Variants in SLC24A4 observed in about 807,000 individuals in gnomAD.
The protein encoded by SLC24A4 is sodium/potassium/calcium exchanger 4.
In SLC24A4, 53 loss-of-function variants were observed where a neutral mutation model predicts 79.0. The ratio of observed to expected loss-of-function variants is 0.67; its 90% CI spans 0.54 to 0.84. The LOEUF (loss-of-function observed/expected upper bound fraction) is 0.84. SLC24A4 is among the 40% of genes least tolerant of loss of function. The probability of loss-of-function intolerance (pLI) is 0.00; values close to 1 mark genes in which losing one functional copy is unlikely to be tolerated. For missense variants in SLC24A4, 731 were observed against 822.0 expected, an observed-to-expected ratio of 0.89 and a Z score of 1.35; for synonymous variants, 323 against 323.8, an observed-to-expected ratio of 1.00 and a Z score of 0.03.
intron 2 of SLC24A4, among the ~76,000 whole-genome samples, chr14:92,346,119 TTGTC>T (rs374960642): frequency 6.6e-6 from 1 of 152,142 alleles, no homozygotes; most frequent in Non-Finnish European, 1.5e-5. Context: ...GGGCACGTGT[TTGTC>T]TGTCCTGTGA....
At chr14:92,447,567 G>A in intron 9 of SLC24A4, 143 bp downstream of exon 9, 1 of 779,704 alleles carries the variant, frequency 1.3e-6, no homozygotes, top group Non-Finnish European at 2.1e-6. Context: ...CACCCTGCTG[G>A]GGGACAGCTG....
At chr14:92,338,094 A>T (rs1297906664) in intron 2 of SLC24A4, among the ~76,000 whole-genome samples, 7 of 152,160 alleles carry the variant, frequency 4.6e-5, no homozygotes, top group Admixed American at 2.6e-4. Context: ...GATGACCCAG[A>T]TCACATGGGG....
chr14:92,430,846 G>C (rs549046241), intron 2 of SLC24A4, among the ~76,000 whole-genome samples: 1 of 152,210 alleles, frequency 6.6e-6, no homozygotes, highest in Admixed American at 6.5e-5. Flanking sequence ...CAGCTTAAAG[G>C]CTTAAGGATG....
intron 12 of SLC24A4, 43 bp downstream of exon 12, chr14:92,456,651 G>A (rs1180564836): frequency 6.3e-7 from 1 of 1,588,012 alleles, no homozygotes; most frequent in Non-Finnish European, 8.6e-7. Flanking sequence ...CATTTTTGGG[G>A]GCTCCATTAG....
chr14:92,382,801 G>GT (rs535082784), intron 2 of SLC24A4, among the ~76,000 whole-genome samples: 141 of 152,230 alleles, frequency 9.3e-4, no homozygotes, highest in Non-Finnish European at 1.7e-3. Flanking sequence ...GACCAGGACT[G>GT]TTTTTTGCTG....
intron 2 of SLC24A4, among the ~76,000 whole-genome samples, chr14:92,366,257 C>T (rs957252545): frequency 5.3e-5 from 8 of 152,160 alleles, no homozygotes; most frequent in African/African-American, 1.7e-4. Context: ...GGTGAGGCAG[C>T]GTTTTCAGGG....
At chr14:92,358,725 C>T (rs980113659) in intron 2 of SLC24A4, among the ~76,000 whole-genome samples, 5 of 139,938 alleles carry the variant, frequency 3.6e-5, no homozygotes, top group Non-Finnish European at 6.0e-5. Context: ...GAGATGGAGT[C>T]TCGCTCTGTC....
rs757327214 is a variant in SLC24A4, at chr14:92,492,196, C to G, written c.1672C>G (p.Leu558Val). ...CCAGGTGAAGATCAACAGCCGGGGGCTGGTCTATTCCGTGGTCCTGTTGCT... is the reference window on the plus strand; with the variant it reads ...CCAGGTGAAGATCAACAGCCGGGGGGTGGTCTATTCCGTGGTCCTGTTGCT... ...GSTVKINSRG[L>V]VYSVVLLLGS... Residue 558 changes from leucine (L) to valine (V), a missense_variant, in exon 16 of 17, where the codon CTG becomes GTG. Coordinates refer to ENST00000532405, the MANE Select transcript of SLC24A4 (RefSeq NM_153646.4). The G allele has an allele frequency of 2.5e-6, 4 of 1,614,150 alleles. No homozygotes were observed. The South Asian group carries it at 4.4e-5, about 18-fold the overall frequency.
intron 2 of SLC24A4, among the ~76,000 whole-genome samples, chr14:92,378,612 T>C (rs1263068536): frequency 1.3e-5 from 2 of 152,264 alleles, no homozygotes; most frequent in East Asian, 3.8e-4. Flanking sequence ...CTAAGTCCTT[T>C]GTCAGATATG....
intron 10 of SLC24A4, among the ~76,000 whole-genome samples, chr14:92,449,931 C>T (rs1893040643): frequency 6.6e-6 from 1 of 152,240 alleles, no homozygotes; most frequent in South Asian, 2.1e-4. Flanking sequence ...CGATGGCTTC[C>T]TTGGAAACCT....
At chr14:92,354,312 G>A (rs180686701) in intron 2 of SLC24A4, among the ~76,000 whole-genome samples, 172 of 152,132 alleles carry the variant, frequency 1.1e-3, no homozygotes, top group Admixed American at 3.9e-3. Context: ...CACCATGCCC[G>A]GCTATTTTTT....
intron 15 of SLC24A4, 63 bp from the exon 16 acceptor site, chr14:92,492,112 A>G: frequency 1.3e-6 from 2 of 1,502,808 alleles, no homozygotes; most frequent in Non-Finnish European, 1.8e-6. Context: ...GCATGCTGGG[A>G]TTTCTGGATG....
Position 92,358,978 on chromosome 14 carries a change from G to T in SLC24A4, c.241+33000G>T, listed in dbSNP as rs544496135. On this transcript the variant is annotated intron_variant, in intron 2 of 16. Coordinates refer to ENST00000532405, the MANE Select transcript of SLC24A4 (RefSeq NM_153646.4). ...TGGGATTACAGGTGTGAGCCACCAC[G>T]CCCGGCCAAATCTACTCTTTTCTAT... Among the ~76,000 whole-genome samples the T allele has an allele frequency of 1.3e-5, 2 of 151,914 alleles. 1 individual carries two copies. Among genetic ancestry groups the T allele is most frequent in the South Asian group, 4.2e-4 (2 of 4,814 alleles).
chr14:92,428,189 T>C (rs1891672203), intron 2 of SLC24A4, among the ~76,000 whole-genome samples: 1 of 152,194 alleles, frequency 6.6e-6, no homozygotes. Flanking sequence ...GAAGGGGACA[T>C]GATTGCCAGG....
chr14:92,332,758 T>G (rs530728852), intron 2 of SLC24A4, among the ~76,000 whole-genome samples: 1 of 152,336 alleles, frequency 6.6e-6, no homozygotes, highest in Non-Finnish European at 1.5e-5. Flanking sequence ...AGCTTCTCTC[T>G]TTATTATCAC....
At position 92,323,917 on chromosome 14, in the gene SLC24A4, G is replaced by A; in HGVS notation, c.87G>A (p.Val29=). 1.9e-6 allele frequency: 3 copies of A among 1,610,858 alleles called. No homozygotes were observed. Among genetic ancestry groups the A allele is most frequent in the Non-Finnish European group, 2.5e-6 (3 of 1,179,796 alleles). Residue 29 remains valine, a synonymous_variant, in exon 1 of 17, where the codon GTG becomes GTA. Transcript: ENST00000532405. This position sits in a 1 kb window ranked among gnomAD's most constrained non-coding sequence, Gnocchi z 4.9. ...AGCAAGTCGGCTTCGTGTGCGCGGT[G>A]CTGGCCCTGGTGTGCTGTGCGTCCG... ...LPQQVGFVCA[V]LALVCCASGL...
rs542850210 is a variant in SLC24A4, at chr14:92,456,502, C to A, written c.1149C>A (p.Asn383Lys). 6.2e-7 allele frequency: 1 copy of A among 1,614,180 alleles called. No homozygotes were observed. The highest frequency in any genetic ancestry group is 1.3e-5 in the African/African-American group (1 of 75,048). Residue 383 changes from asparagine (N) to lysine (K), a missense_variant, in exon 12 of 17, where the codon AAC becomes AAA. Physicochemically the swap from Asn to Lys is moderately conservative, Grantham distance 94 (BLOSUM62 0). Transcript: ENST00000532405. ...AGAACGGGAATGTTCCTGTGGAAAA[C>A]CCCGAAGACCCTCAGCAGAATCAGG... The part of the protein sequence containing the change: ...NIENGNVPVE[N>K]PEDPQQNQEQ...
At chr14:92,488,877 C>T (rs535831050) in intron 14 of SLC24A4, among the ~76,000 whole-genome samples, 4 of 152,092 alleles carry the variant, frequency 2.6e-5, no homozygotes, top group Non-Finnish European at 5.9e-5. Context: ...AACAACTGGC[C>T]CTGGAGTTCA....
intron 12 of SLC24A4, among the ~76,000 whole-genome samples, chr14:92,468,085 G>A (rs1894221781): frequency 6.6e-6 from 1 of 152,062 alleles, no homozygotes; most frequent in Non-Finnish European, 1.5e-5. Context: ...CAGCATACAA[G>A]ATCAATATAT....
Sources: gnomAD v4.1 joint callset for allele counts (sites outside exome capture counted in the v4.1 genomes callset) on GRCh38, gnomAD v4.1.1 for gene constraint, Gnocchi (gnomAD v3.1) non-coding constraint, MANE v1.5 for transcripts, NCBI Gene and HGNC (gene_info 2026-07-23, HGNC 2026-07-21) for gene names.